The following SNTG1 variants were observed in gnomAD, a reference collection of about 807,000 sequenced individuals.
The protein encoded by SNTG1 is syntrophin gamma 1.
SNTG1 carries 39 observed loss-of-function variants against 74.7 expected under a neutral mutation model. That is an observed-to-expected ratio of 0.52 (90% confidence interval 0.40 to 0.68). The LOEUF (loss-of-function observed/expected upper bound fraction) is 0.68. SNTG1 is among the 30% of genes least tolerant of loss of function. The pLI is 0.00. For synonymous variants in SNTG1, 254 were observed against 217.1 expected (o/e 1.17, Z -1.49); for missense variants, 685 against 609.5 (o/e 1.12, Z -1.30).
chr8:50,279,141 C>T (rs531256266), intron 2 of SNTG1, among the ~76,000 whole-genome samples: 17 of 152,078 alleles, frequency 1.1e-4, no homozygotes, highest in Admixed American at 2.0e-4. Context: ...AAACCATGGT[C>T]GACACCTAAA....
At chr8:50,515,791 C>CAGCA (rs144042085) in intron 9 of SNTG1, among the ~76,000 whole-genome samples, 6,019 of 152,232 alleles carry the variant, frequency 0.04, 123 homozygotes, top group Middle Eastern at 0.11. Context: ...GAAAGAAAGG[C>CAGCA]AGCAGCCCCA....
chr8:50,598,039 GTTTGT>G (rs2094743649), intron 13 of SNTG1, among the ~76,000 whole-genome samples: 7 of 150,918 alleles, frequency 4.6e-5, no homozygotes, highest in Admixed American at 4.6e-4. Flanking sequence ...TTGTTCGTTT[GTTTGT>G]TTTTGTTTTT....
intron 1 of SNTG1, among the ~76,000 whole-genome samples, chr8:50,004,377 G>A (rs1053890502): frequency 3.3e-5 from 5 of 152,174 alleles, no homozygotes; most frequent in Middle Eastern, 3.4e-3. Context: ...AAAGCTGGTG[G>A]TTTCCCAAAT....
chr8:50,613,699 T>C (rs918489980), intron 13 of SNTG1, among the ~76,000 whole-genome samples: 5 of 152,104 alleles, frequency 3.3e-5, no homozygotes, highest in African/African-American at 2.4e-5. Context: ...TTGTGCTGAG[T>C]ATCAGATTTT....
chr8:50,682,249 G>T (rs539610481), intron 15 of SNTG1, among the ~76,000 whole-genome samples: 30 of 152,152 alleles, frequency 2.0e-4, no homozygotes, highest in East Asian at 1.9e-4. Context: ...TCCCCTATTG[G>T]CTAGGGTTGG....
chr8:50,010,774 C>T lies in SNTG1; in HGVS notation c.-103+98543C>T, dbSNP rs1038847962. On this transcript the variant is annotated intron_variant, in intron 1 of 18. Coordinates refer to ENST00000642720, the MANE Select transcript of SNTG1 (RefSeq NM_018967.5). Reference sequence around the variant, plus strand: ...ACTATTTACCTGACATATCCAAGGACACAGGCCTCTCTTTTTTTTTTTTTT... The same window carrying T: ...ACTATTTACCTGACATATCCAAGGATACAGGCCTCTCTTTTTTTTTTTTTT... 2.7e-5 allele frequency among the ~76,000 whole-genome samples: 4 copies of T among 145,908 alleles called. No homozygotes were observed. In the South Asian group the frequency reaches 8.5e-4, roughly 31 times the overall value.
intron 1 of SNTG1, among the ~76,000 whole-genome samples, chr8:50,141,092 G>C (rs561672127): frequency 2.0e-5 from 3 of 152,198 alleles, no homozygotes; most frequent in Non-Finnish European, 4.4e-5. Flanking sequence ...GTGATCACTT[G>C]AAAGATACAT....
intron 15 of SNTG1, among the ~76,000 whole-genome samples, chr8:50,658,881 A>G (rs953045352): frequency 1.3e-5 from 2 of 152,220 alleles, no homozygotes; most frequent in Non-Finnish European, 2.9e-5. Flanking sequence ...ATAACTTGCA[A>G]GCAGACTCTG....
intron 4 of SNTG1, among the ~76,000 whole-genome samples, chr8:50,437,193 T>C (rs889933669): frequency 2.0e-5 from 3 of 152,200 alleles, no homozygotes; most frequent in African/African-American, 4.8e-5. Flanking sequence ...AAATTTATTT[T>C]ATCGAATGCT....
At chr8:50,203,805 A>G (rs2084087985) in intron 2 of SNTG1, among the ~76,000 whole-genome samples, 2 of 149,942 alleles carry the variant, frequency 1.3e-5, no homozygotes, top group East Asian at 1.9e-4. Flanking sequence ...TGTTCGTAAT[A>G]AAATCTTGTT....
At chr8:50,659,691 C>T (rs1468318615) in intron 15 of SNTG1, among the ~76,000 whole-genome samples, 1 of 152,034 alleles carries the variant, frequency 6.6e-6, no homozygotes, top group East Asian at 1.9e-4. Context: ...CTTCTGTAGG[C>T]GTAATGGTGG....
At chr8:50,318,403 A>G (rs2090396650) in intron 2 of SNTG1, among the ~76,000 whole-genome samples, 1 of 152,320 alleles carries the variant, frequency 6.6e-6, no homozygotes, top group Non-Finnish European at 1.5e-5. Flanking sequence ...TCGTGGCCTG[A>G]ATCTTGTTTA....
At chr8:50,454,347 A>G (rs943427743) in intron 8 of SNTG1, among the ~76,000 whole-genome samples, 1 of 151,778 alleles carries the variant, frequency 6.6e-6, no homozygotes, top group Non-Finnish European at 1.5e-5. Context: ...ATACAAAAAC[A>G]TTAGCTGGGT....
At chr8:50,454,525 AAAC>A (rs1027109724) in intron 8 of SNTG1, among the ~76,000 whole-genome samples, 3 of 150,610 alleles carry the variant, frequency 2.0e-5, no homozygotes, top group African/African-American at 4.9e-5. Context: ...AAACAAAACA[AAAC>A]AACAACAACA....
At chr8:50,757,251 T>C (rs1257700194) in intron 18 of SNTG1, among the ~76,000 whole-genome samples, 2 of 151,864 alleles carry the variant, frequency 1.3e-5, no homozygotes, top group Non-Finnish European at 2.9e-5. Context: ...ATGTAATACA[T>C]TAATTGAATT....
intron 1 of SNTG1, among the ~76,000 whole-genome samples, chr8:50,137,883 T>C (rs534171966): frequency 7.9e-5 from 12 of 152,220 alleles, no homozygotes; most frequent in Non-Finnish European, 1.3e-4. Context: ...GTGACTCCTC[T>C]TGGAGTGACT....
At chr8:50,285,948 T>G (rs1228645091) in intron 2 of SNTG1, among the ~76,000 whole-genome samples, 1 of 152,154 alleles carries the variant, frequency 6.6e-6, no homozygotes, top group Non-Finnish European at 1.5e-5. Flanking sequence ...ACATGCTACT[T>G]TATTTCTTTT....
intron 2 of SNTG1, among the ~76,000 whole-genome samples, chr8:50,184,372 G>A (rs890921760): frequency 3.3e-5 from 5 of 151,988 alleles, no homozygotes; most frequent in Admixed American, 2.6e-4. Context: ...CACCATGTTG[G>A]TCAGGCTGGT....
intron 18 of SNTG1, among the ~76,000 whole-genome samples, chr8:50,770,640 C>T (rs10958113): frequency 0.22 from 33,240 of 151,876 alleles, 3,796 homozygotes; most frequent in South Asian, 0.33. Context: ...TATGGCTTCT[C>T]CCCTCTGAAA....
Sources: allele counts gnomAD v4.1 joint callset (sites outside exome capture counted in the v4.1 genomes callset), GRCh38; gene constraint gnomAD v4.1.1; transcripts MANE v1.5; gene names NCBI Gene and HGNC (gene_info 2026-07-23, HGNC 2026-07-21).